The following ZBTB20 variants were observed in gnomAD, a reference collection of about 807,000 sequenced individuals.
The protein encoded by ZBTB20 is zinc finger and BTB domain containing 20.
Under a neutral mutation model 56.9 loss-of-function variants are expected in ZBTB20, and 9 were observed. The ratio of observed to expected loss-of-function variants is 0.16; its 90% CI spans 0.10 to 0.28. The LOEUF (loss-of-function observed/expected upper bound fraction) is 0.28. Among genes scored for constraint, ZBTB20 ranks in the 10% least tolerant of loss-of-function variants. The pLI, the probability that ZBTB20 is intolerant of heterozygous loss-of-function variation, is 1.00. For synonymous variants in ZBTB20, 417 were observed against 420.7 expected (o/e 0.99, Z 0.11); for missense variants, 655 against 1,003.0 (o/e 0.65, Z 4.69).
At chr3:114,844,050 T>C (rs1415180172) in intron 4 of ZBTB20, among the ~76,000 whole-genome samples, 1 of 151,868 alleles carries the variant, frequency 6.6e-6, no homozygotes, top group African/African-American at 2.4e-5. Flanking sequence ...CTAAAAATTG[T>C]AAACAGTCTA....
chr3:115,138,268 T>G (rs1346510662), intron 1 of ZBTB20, among the ~76,000 whole-genome samples: 2 of 152,074 alleles, frequency 1.3e-5, no homozygotes, highest in African/African-American at 4.8e-5. Context: ...TGCTTTAACA[T>G]GGTACCCAGC....
intron 10 of ZBTB20, among the ~76,000 whole-genome samples, chr3:114,364,657 A>G (rs1354505499): frequency 6.6e-6 from 1 of 152,230 alleles, no homozygotes; most frequent in Non-Finnish European, 1.5e-5. Flanking sequence ...CTACAGCAAT[A>G]CACAATAGCC....
intron 1 of ZBTB20, among the ~76,000 whole-genome samples, chr3:115,132,015 C>A (rs2084521203): frequency 6.6e-6 from 1 of 151,830 alleles, no homozygotes; most frequent in Non-Finnish European, 1.5e-5. Context: ...ATTTGCTTGC[C>A]TTTCGTTACC....
intron 3 of ZBTB20, among the ~76,000 whole-genome samples, chr3:114,913,764 T>G (rs538851760): frequency 7.2e-5 from 11 of 152,082 alleles, no homozygotes; most frequent in African/African-American, 2.6e-4. Context: ...TTGTATATAA[T>G]GAGAGAGAAG....
chr3:114,346,155 TA>T (rs1415787582), intron 11 of ZBTB20, among the ~76,000 whole-genome samples: 1 of 152,078 alleles, frequency 6.6e-6, no homozygotes, highest in African/African-American at 2.4e-5. Flanking sequence ...TGTTAAGAAA[TA>T]AAAAAATTCT....
intron 4 of ZBTB20, among the ~76,000 whole-genome samples, chr3:114,868,910 C>T (rs927066531): frequency 6.6e-6 from 1 of 152,002 alleles, no homozygotes; most frequent in Non-Finnish European, 1.5e-5. Flanking sequence ...AATTTAATTA[C>T]CCTAACAGTC....
At chr3:114,543,546 G>A (rs1028997263) in intron 6 of ZBTB20, among the ~76,000 whole-genome samples, 5 of 152,044 alleles carry the variant, frequency 3.3e-5, no homozygotes, top group African/African-American at 1.2e-4. Flanking sequence ...TTTCTTCTTG[G>A]TACTTTCCTT....
chr3:114,842,045 CTCTTT>C (rs2074406075), intron 4 of ZBTB20, among the ~76,000 whole-genome samples: 1 of 152,176 alleles, frequency 6.6e-6, no homozygotes. Context: ...CTTCTCTTCT[CTCTTT>C]TGACTCTCAA....
chr3:114,933,897 T>C (rs974448802), intron 3 of ZBTB20, among the ~76,000 whole-genome samples: 2 of 152,214 alleles, frequency 1.3e-5, no homozygotes, highest in African/African-American at 4.8e-5. Context: ...AGCAAAGCAA[T>C]ATGCTCTCTA....
chr3:114,571,061 A>C (rs915723680), intron 6 of ZBTB20, among the ~76,000 whole-genome samples: 4 of 152,142 alleles, frequency 2.6e-5, no homozygotes, highest in Non-Finnish European at 4.4e-5. Context: ...ACTTTGTAAA[A>C]ATGTAATACT....
At position 114,452,858 on chromosome 3, in the gene ZBTB20, G is replaced by A. The variant is rs141674399; in HGVS notation, c.-255+47494C>T. Among the ~76,000 whole-genome samples the A allele has an allele frequency of 5.6e-3, 845 of 152,134 alleles. 4 individuals are homozygous for A. Among genetic ancestry groups the A allele is most frequent in the Middle Eastern group, 0.017 (5 of 294 alleles). On this transcript the variant is annotated intron_variant, in intron 7 of 11. Coordinates refer to ENST00000675478, the MANE Select transcript of ZBTB20 (RefSeq NM_001348800.3). ...GAATGGTACATAATATATATTTAAG[G>A]ATTTTTGTAGAGCTTGAGAATTGTT...
At chr3:115,063,652 A>AC (rs2082093737) in intron 2 of ZBTB20, among the ~76,000 whole-genome samples, 1 of 149,536 alleles carries the variant, frequency 6.7e-6, no homozygotes, top group Admixed American at 6.7e-5. Flanking sequence ...TTGTCAAAGC[A>AC]ACACACACAC....
intron 3 of ZBTB20, among the ~76,000 whole-genome samples, chr3:114,963,143 C>T (rs7619266): frequency 0.093 from 14,158 of 151,758 alleles, 1,932 homozygotes; most frequent in African/African-American, 0.3. Context: ...GAATATAGCC[C>T]TTCTTGATGG....
intron 1 of ZBTB20, among the ~76,000 whole-genome samples, chr3:115,103,636 C>A (rs1165364099): frequency 6.6e-6 from 1 of 152,184 alleles, no homozygotes; most frequent in Non-Finnish European, 1.5e-5. Flanking sequence ...GACGGAACGA[C>A]TGGACGTCTA....
chr3:114,653,188 A>G (rs1224224260), intron 6 of ZBTB20, among the ~76,000 whole-genome samples: 1 of 151,966 alleles, frequency 6.6e-6, no homozygotes, highest in African/African-American at 2.4e-5. Context: ...AGAAGTAGTA[A>G]GAATATATAT....
intron 1 of ZBTB20, among the ~76,000 whole-genome samples, chr3:115,084,710 AG>A (rs1237482105): frequency 6.6e-6 from 1 of 152,030 alleles, no homozygotes; most frequent in Non-Finnish European, 1.5e-5. Flanking sequence ...CATGTTAATC[AG>A]TTAGCTATGC....
chr3:114,653,173 T>C (rs1260768376), intron 6 of ZBTB20, among the ~76,000 whole-genome samples: 1 of 151,978 alleles, frequency 6.6e-6, no homozygotes, highest in African/African-American at 2.4e-5. Context: ...AGAACAACGC[T>C]GAACAGAAGT....
chr3:114,780,373 G>A (rs1361570190), intron 5 of ZBTB20, among the ~76,000 whole-genome samples: 1 of 152,186 alleles, frequency 6.6e-6, no homozygotes, highest in Non-Finnish European at 1.5e-5. Context: ...TGAAGAGTGA[G>A]GAAAAACAGA....
At position 114,395,782 on chromosome 3, in the gene ZBTB20, C is replaced by T. The variant is rs571607479; in HGVS notation, c.-254-6677G>A. Among the ~76,000 whole-genome samples the T allele has an allele frequency of 1.1e-4, 16 of 152,152 alleles. No homozygotes were observed. The East Asian group carries it at 1.2e-3, about 11-fold the overall frequency. On this transcript the variant is annotated intron_variant, in intron 7 of 11. Coordinates refer to ENST00000675478, the MANE Select transcript of ZBTB20 (RefSeq NM_001348800.3). ...GAAACACCTCTGATGGCTTGAAGAC[C>T]CCTGGGATGGCCCTGCCAACACAAG...
Sources: gnomAD v4.1 joint callset for allele counts (sites outside exome capture counted in the v4.1 genomes callset) on GRCh38, gnomAD v4.1.1 for gene constraint, MANE v1.5 for transcripts, NCBI Gene and HGNC (gene_info 2026-07-23, HGNC 2026-07-21) for gene names.